Variants in CLSTN2 observed in about 807,000 individuals in gnomAD.
CLSTN2 encodes calsyntenin-2.
In CLSTN2, 48 loss-of-function variants were observed where a neutral mutation model predicts 101.2. That is an observed-to-expected ratio of 0.47 (90% CI 0.38 to 0.60). The LOEUF (loss-of-function observed/expected upper bound fraction) is 0.60. Among genes scored for constraint, CLSTN2 ranks in the 20% least tolerant of loss-of-function variants. The pLI, the probability that CLSTN2 is intolerant of heterozygous loss-of-function variation, is 0.00. For synonymous variants in CLSTN2, 481 were observed against 463.6 expected (o/e 1.04, Z -0.48); for missense variants, 1,160 against 1,238.2 (o/e 0.94, Z 0.95).
chr3:140,149,026 A>G (rs934624193), intron 1 of CLSTN2, among the ~76,000 whole-genome samples: 1 of 152,176 alleles, frequency 6.6e-6, no homozygotes, highest in African/African-American at 2.4e-5. Flanking sequence ...TAAAAGACCA[A>G]AACTTCCTCT....
chr3:139,960,745 A>G (rs1243926192), intron 1 of CLSTN2, among the ~76,000 whole-genome samples: 2 of 152,230 alleles, frequency 1.3e-5, no homozygotes, highest in South Asian at 4.1e-4. Flanking sequence ...TGACCATGAT[A>G]GAAGCCAGGG....
At position 140,271,374 on chromosome 3, in the gene CLSTN2, T is replaced by C. The variant is rs547541897; in HGVS notation, c.232+95301T>C. ...AGTGTCTCAGTCTGTTTAGCTGTTA[T>C]AACAATGTTACCGAACACTGGGATT... On this transcript the variant is annotated intron_variant, in intron 2 of 16. Coordinates refer to ENST00000458420, the MANE Select transcript of CLSTN2 (RefSeq NM_022131.3). Among the ~76,000 whole-genome samples, 8 of 152,336 alleles carry C rather than the reference T, an allele frequency of 5.3e-5. No homozygotes were observed. In the South Asian group the frequency reaches 1.0e-3, roughly 20 times the overall value.
intron 8 of CLSTN2, among the ~76,000 whole-genome samples, chr3:140,511,095 T>C (rs1431842874): frequency 1.3e-5 from 2 of 152,212 alleles, no homozygotes; most frequent in South Asian, 2.1e-4. Flanking sequence ...AGCTCCCACT[T>C]ATAAGTGAGA....
chr3:140,353,819 T>G (rs545359809), intron 2 of CLSTN2, among the ~76,000 whole-genome samples: 1 of 152,312 alleles, frequency 6.6e-6, no homozygotes, highest in Non-Finnish European at 1.5e-5. Context: ...CAAAGATTAA[T>G]GATATGAATG....
chr3:140,165,606 G>T (rs9873941), intron 1 of CLSTN2, among the ~76,000 whole-genome samples: 103,748 of 151,644 alleles, frequency 0.68, 39,767 homozygotes, highest in East Asian at 0.93. Flanking sequence ...AGGCACAGGG[G>T]TAGACAGCAC....
chr3:140,126,068 G>A lies in CLSTN2; in HGVS notation c.110-49883G>A, dbSNP rs529694645. Among the ~76,000 whole-genome samples, 8 of 152,138 alleles carry A rather than the reference G, an allele frequency of 5.3e-5. No individual in the cohort carries two copies. In the South Asian group the frequency reaches 8.3e-4, roughly 16 times the overall value. ...ATGGATGATTGCAAGAGAAATGTGG[G>A]GTTGGTTCAGTGGTTGGTGATGATG... On this transcript the variant is annotated intron_variant, in intron 1 of 16. Coordinates refer to ENST00000458420, the MANE Select transcript of CLSTN2 (RefSeq NM_022131.3).
intron 8 of CLSTN2, among the ~76,000 whole-genome samples, chr3:140,508,943 G>A (rs1018218951): frequency 2.6e-5 from 4 of 152,034 alleles, no homozygotes; most frequent in Non-Finnish European, 5.9e-5. Flanking sequence ...TCACAGGTAA[G>A]AGGAGTCCTC....
intron 2 of CLSTN2, among the ~76,000 whole-genome samples, chr3:140,377,211 G>T (rs978194346): frequency 6.6e-6 from 1 of 152,222 alleles, no homozygotes; most frequent in African/African-American, 2.4e-5. Context: ...TTGTGGTGAT[G>T]TTGGTATAAA....
intron 2 of CLSTN2, among the ~76,000 whole-genome samples, chr3:140,297,714 G>A (rs1287048805): frequency 2.0e-5 from 3 of 152,216 alleles, no homozygotes; most frequent in African/African-American, 7.2e-5. Flanking sequence ...TCAGCATACA[G>A]CACTGTGACC....
chr3:140,228,713 G>A (rs532392836), intron 2 of CLSTN2, among the ~76,000 whole-genome samples: 13 of 152,276 alleles, frequency 8.5e-5, no homozygotes, highest in Non-Finnish European at 1.3e-4. Flanking sequence ...CAATCATGGC[G>A]GAAGGCAAGG....
chr3:140,187,380 C>T (rs368046280), intron 2 of CLSTN2, among the ~76,000 whole-genome samples: 6 of 152,130 alleles, frequency 3.9e-5, no homozygotes, highest in South Asian at 2.1e-4. Context: ...TCCTGACATA[C>T]CCCTGGATCA....
intron 1 of CLSTN2, among the ~76,000 whole-genome samples, chr3:140,144,624 A>T (rs1168399033): frequency 6.6e-6 from 1 of 152,168 alleles, no homozygotes; most frequent in Admixed American, 6.5e-5. Flanking sequence ...TCCAAAAAAA[A>T]AAGTACTTAA....
At chr3:140,099,177 T>A (rs2008924325) in intron 1 of CLSTN2, among the ~76,000 whole-genome samples, 1 of 152,162 alleles carries the variant, frequency 6.6e-6, no homozygotes, top group African/African-American at 2.4e-5. Context: ...CTCCTAGAAG[T>A]CCTACTATAT....
At chr3:140,527,181 A>G (rs79612837) in intron 8 of CLSTN2, among the ~76,000 whole-genome samples, 2,387 of 152,330 alleles carry the variant, frequency 0.016, 65 homozygotes, top group African/African-American at 0.055. Context: ...TAAACTCTGC[A>G]TGTAACAGAA....
At chr3:140,196,291 A>G (rs2010642545) in intron 2 of CLSTN2, among the ~76,000 whole-genome samples, 2 of 152,172 alleles carry the variant, frequency 1.3e-5, no homozygotes, top group African/African-American at 2.4e-5. Flanking sequence ...AAGGCGGGGG[A>G]AAAATCCAAG....
intron 1 of CLSTN2, among the ~76,000 whole-genome samples, chr3:139,946,142 G>T (rs560648360): frequency 6.6e-6 from 1 of 152,250 alleles, no homozygotes; most frequent in Admixed American, 6.5e-5. Context: ...CTGAAATCCT[G>T]CCCTTAGGAT....
intron 1 of CLSTN2, among the ~76,000 whole-genome samples, chr3:140,095,409 C>T (rs1347071663): frequency 6.6e-6 from 1 of 152,156 alleles, no homozygotes; most frequent in Non-Finnish European, 1.5e-5. Context: ...GGCCAAATAT[C>T]CAAAATTAAA....
At chr3:140,004,137 C>A (rs555758238) in intron 1 of CLSTN2, among the ~76,000 whole-genome samples, 1 of 152,360 alleles carries the variant, frequency 6.6e-6, no homozygotes, top group South Asian at 2.1e-4. Flanking sequence ...ATACATCAAG[C>A]AATGCCCACT....
intron 1 of CLSTN2, among the ~76,000 whole-genome samples, chr3:140,017,535 G>A (rs2007225490): frequency 6.6e-6 from 1 of 152,166 alleles, no homozygotes; most frequent in Admixed American, 6.5e-5. Flanking sequence ...GTTCCTTGGG[G>A]GCCTGAGCTG....
Sources: allele counts gnomAD v4.1 joint callset (sites outside exome capture counted in the v4.1 genomes callset), GRCh38; gene constraint gnomAD v4.1.1; transcripts MANE v1.5; gene names NCBI Gene and HGNC (gene_info 2026-07-23, HGNC 2026-07-21).